The following STOX2 variants were observed in gnomAD, a reference collection of about 807,000 sequenced individuals.
STOX2 encodes the protein storkhead-box protein 2.
A neutral mutation model predicts 60.9 loss-of-function variants in STOX2; 28 were observed. That is an observed-to-expected ratio of 0.46 (90% CI 0.34 to 0.63). The LOEUF (loss-of-function observed/expected upper bound fraction) is 0.63, where lower values mean the gene tolerates loss of function less well. Ranked by LOEUF, STOX2 falls within the 30% of genes least tolerant of loss-of-function variation. The pLI is 0.01. For missense variants in STOX2, 1,024 were observed against 1,187.7 expected, an observed-to-expected ratio of 0.86 and a Z score of 2.03; for synonymous variants, 472 against 463.9, an observed-to-expected ratio of 1.02 and a Z score of -0.22.
intron 1 of STOX2, among the ~76,000 whole-genome samples, chr4:183,878,030 C>G (rs1054387316): frequency 6.6e-6 from 1 of 152,142 alleles, no homozygotes; most frequent in Non-Finnish European, 1.5e-5. Context: ...TAAGCCCTGA[C>G]AACAGTATCT....
At chr4:184,015,637 G>C (rs3811775) in intron 3 of STOX2, 3 of 152,038 alleles carry the variant, frequency 2.0e-5, no homozygotes, top group Non-Finnish European at 4.4e-5. Context: ...GGAAAGGGCT[G>C]TCAGAGTACA....
chr4:183,817,392 C>T (rs1739177835), intron 1 of STOX2, among the ~76,000 whole-genome samples: 1 of 152,152 alleles, frequency 6.6e-6, no homozygotes, highest in Non-Finnish European at 1.5e-5. Context: ...TGCTGGCGAT[C>T]AGTGGGAAGT....
chr4:183,955,283 C>T (rs532986655), intron 1 of STOX2, among the ~76,000 whole-genome samples: 1 of 152,210 alleles, frequency 6.6e-6, no homozygotes, highest in Admixed American at 6.5e-5. Flanking sequence ...TTTGAAGGGC[C>T]AAGTATTGTG....
At chr4:183,940,431 C>A (rs1471520334) in intron 1 of STOX2, among the ~76,000 whole-genome samples, 1 of 152,146 alleles carries the variant, frequency 6.6e-6, no homozygotes, top group Non-Finnish European at 1.5e-5. Context: ...CCGGTTACTC[C>A]GGGGATGTGT....
chr4:183,847,558 G>A (rs1333617109), intron 1 of STOX2, among the ~76,000 whole-genome samples: 5 of 152,108 alleles, frequency 3.3e-5, no homozygotes, highest in Admixed American at 2.6e-4. Context: ...CACAATTATT[G>A]GAAAGCAAGA....
Position 184,009,336 on chromosome 4 carries a change from C to T in STOX2, c.498C>T (p.Asp166=). The change falls in exon 3 of 4, where the codon GAC becomes GAT. Residue 166 remains aspartate (D), a synonymous_variant. Coordinates refer to ENST00000308497, the MANE Select transcript of STOX2 (RefSeq NM_020225.3). The surrounding 1 kb of genome is among the most constrained non-coding windows in gnomAD (Gnocchi z 4.0). ...ACCATTTGGACGAGAGGATACCTGA[C>T]CGGTCTCAGTGCACCTCTCCGCAAC... ...KWYHLDERIP[D]RSQCTSPQPG... 1 of 1,613,924 alleles carries T rather than the reference C, an allele frequency of 6.2e-7. No individual in the cohort carries two copies. Among genetic ancestry groups the T allele is most frequent in the East Asian group, 2.2e-5 (1 of 44,882 alleles).
At chr4:184,008,557 A>G (rs1733981560) in intron 2 of STOX2, among the ~76,000 whole-genome samples, 1 of 152,242 alleles carries the variant, frequency 6.6e-6, no homozygotes, top group Non-Finnish European at 1.5e-5. Flanking sequence ...GGCTGCAGTC[A>G]GTTTCCAAAT....
rs953461140 is a variant in STOX2 at position 183,906,571 on chromosome 4, A to G, written c.-220A>G. 7.6e-6 allele frequency: 4 copies of G among 527,028 alleles called. No homozygotes were observed. Among genetic ancestry groups the G allele is most frequent in the African/African-American group, 2.0e-5 (1 of 50,022 alleles). 32.6% of individuals were successfully genotyped at this position (527,028 alleles called of 1,614,324 possible). ...GCGGATTGCAAATGAAGTGTAATGCATTGTGGGACGTGTGTAAAATCGGAG... is the reference window on the plus strand; with the variant it reads ...GCGGATTGCAAATGAAGTGTAATGCGTTGTGGGACGTGTGTAAAATCGGAG... On this transcript the variant is annotated 5_prime_UTR_variant, in exon 1 of 4. Coordinates refer to ENST00000308497, the MANE Select transcript of STOX2 (RefSeq NM_020225.3).
chr4:183,805,031 T>G (rs967401706), intron 1 of STOX2, among the ~76,000 whole-genome samples: 1 of 152,228 alleles, frequency 6.6e-6, no homozygotes, highest in African/African-American at 2.4e-5. Context: ...TGCGACGGGT[T>G]GAAAGTATTT....
intron 1 of STOX2, among the ~76,000 whole-genome samples, chr4:183,994,666 G>A (rs1423048548): frequency 6.6e-6 from 1 of 152,188 alleles, no homozygotes; most frequent in Non-Finnish European, 1.5e-5. Flanking sequence ...ATGAGGAAAC[G>A]GGCGCAGAGC....
At chr4:183,977,009 G>A (rs1222550621) in intron 1 of STOX2, among the ~76,000 whole-genome samples, 1 of 152,136 alleles carries the variant, frequency 6.6e-6, no homozygotes, top group Non-Finnish European at 1.5e-5. Context: ...TAGCCAGTCT[G>A]GAAAATAGTT....
intron 1 of STOX2, among the ~76,000 whole-genome samples, chr4:183,889,710 G>T (rs1472309155): frequency 1.3e-5 from 2 of 152,234 alleles, no homozygotes; most frequent in Non-Finnish European, 2.9e-5. Context: ...AATGGGGTCT[G>T]CTGGGGCACG....
chr4:184,003,790 G>A (rs1733695048), intron 2 of STOX2, among the ~76,000 whole-genome samples: 1 of 152,164 alleles, frequency 6.6e-6, no homozygotes, highest in Admixed American at 6.5e-5. Flanking sequence ...GCTGACCCCT[G>A]GGCTAGGATA....
chr4:183,961,356 TTGCTGCTGC>T (rs755147300), intron 1 of STOX2, among the ~76,000 whole-genome samples: 163 of 151,710 alleles, frequency 1.1e-3, no homozygotes, highest in Non-Finnish European at 1.6e-3. Context: ...CAAGTGATGG[TTGCTGCTGC>T]TGCTGCTGCT....
intron 1 of STOX2, among the ~76,000 whole-genome samples, chr4:183,991,610 G>C (rs184089600): frequency 6.6e-6 from 1 of 151,924 alleles, no homozygotes; most frequent in Admixed American, 6.6e-5. Flanking sequence ...TGTGTTTTTC[G>C]TAGTGATGGG....
At chr4:183,850,515 G>T (rs1677010549) in intron 1 of STOX2, among the ~76,000 whole-genome samples, 2 of 151,878 alleles carry the variant, frequency 1.3e-5, no homozygotes, top group Admixed American at 1.3e-4. Context: ...GATCACTTGA[G>T]GTCAGGAGTT....
intron 2 of STOX2, among the ~76,000 whole-genome samples, chr4:184,003,509 G>GTGACAC (rs1197799991): frequency 3.9e-5 from 6 of 152,228 alleles, no homozygotes; most frequent in Non-Finnish European, 8.8e-5. Flanking sequence ...TTTCTTCTGT[G>GTGACAC]TGACACTGAT....
chr4:183,809,611 A>T (rs1355007956), intron 1 of STOX2, among the ~76,000 whole-genome samples: 1 of 151,730 alleles, frequency 6.6e-6, no homozygotes, highest in African/African-American at 2.4e-5. Context: ...GTTGGCCAGG[A>T]TGGTCTCGAT....
At chr4:184,002,896 T>C (rs116312822) in intron 2 of STOX2, among the ~76,000 whole-genome samples, 64 of 152,388 alleles carry the variant, frequency 4.2e-4, no homozygotes, top group Non-Finnish European at 8.1e-4. Flanking sequence ...TTCTAATTAA[T>C]GTGTTTTGAT....
Sources: gnomAD v4.1 joint callset for allele counts (sites outside exome capture counted in the v4.1 genomes callset) on GRCh38, gnomAD v4.1.1 for gene constraint, Gnocchi (gnomAD v3.1) non-coding constraint, MANE v1.5 for transcripts, NCBI Gene and HGNC (gene_info 2026-07-23, HGNC 2026-07-21) for gene names.